OLFM3: variants seen among roughly 807,000 people sequenced by gnomAD.
The protein encoded by OLFM3 is olfactomedin 3, also known as noelin-3.
In OLFM3, 20 loss-of-function variants were observed where a neutral mutation model predicts 48.6. That is an observed-to-expected ratio of 0.41 (90% CI 0.29 to 0.60). The LOEUF (loss-of-function observed/expected upper bound fraction) is 0.60. Ranked by LOEUF, OLFM3 falls within the 20% of genes least tolerant of loss-of-function variation. The pLI, the probability that OLFM3 is intolerant of heterozygous loss-of-function variation, is 0.28. For synonymous variants in OLFM3, 222 were observed against 198.1 expected (o/e 1.12, Z -1.01); for missense variants, 437 against 544.3 (o/e 0.80, Z 1.96).
chr1:101,860,161 T>C (rs563447975), intron 1 of OLFM3, among the ~76,000 whole-genome samples: 8 of 152,168 alleles, frequency 5.3e-5, no homozygotes, highest in African/African-American at 1.9e-4. Context: ...GCACACATGC[T>C]TCTTATCAAG....
intron 1 of OLFM3, among the ~76,000 whole-genome samples, chr1:101,927,913 C>T (rs1166410023): frequency 6.6e-6 from 1 of 151,662 alleles, no homozygotes; most frequent in Non-Finnish European, 1.5e-5. Flanking sequence ...TTGATAAAAA[C>T]ATAAATATCT....
intron 1 of OLFM3, among the ~76,000 whole-genome samples, chr1:101,984,101 G>A (rs376458767): frequency 3.9e-5 from 6 of 151,978 alleles, no homozygotes; most frequent in African/African-American, 4.8e-5. Flanking sequence ...TTAGCTGAGC[G>A]TGGTGCCACA....
chr1:101,844,843 A>G (rs1655909016), intron 1 of OLFM3, among the ~76,000 whole-genome samples: 1 of 152,218 alleles, frequency 6.6e-6, no homozygotes, highest in Admixed American at 6.5e-5. Context: ...TGCTAAAAAT[A>G]GTATGAACAT....
chr1:101,948,630 G>T (rs1027936727), intron 1 of OLFM3, among the ~76,000 whole-genome samples: 9 of 151,724 alleles, frequency 5.9e-5, no homozygotes, highest in Non-Finnish European at 1.3e-4. Flanking sequence ...CTAAATTTTT[G>T]TCTAAATAAG....
At chr1:101,822,297 G>A (rs1261719676) in intron 4 of OLFM3, among the ~76,000 whole-genome samples, 1 of 152,078 alleles carries the variant, frequency 6.6e-6, no homozygotes, top group African/African-American at 2.4e-5. Flanking sequence ...CCCAGAAGTT[G>A]TTTTTTGTGT....
At chr1:101,877,377 A>G (rs1416472090) in intron 1 of OLFM3, among the ~76,000 whole-genome samples, 1 of 151,960 alleles carries the variant, frequency 6.6e-6, no homozygotes, top group Non-Finnish European at 1.5e-5. Flanking sequence ...CTATTTTAAA[A>G]GCTGGAGATC....
At chr1:101,807,016 T>C (rs1157291410) in intron 4 of OLFM3, among the ~76,000 whole-genome samples, 1 of 151,850 alleles carries the variant, frequency 6.6e-6, no homozygotes, top group East Asian at 1.9e-4. Flanking sequence ...TAAAAAAAGA[T>C]TACTATAAAG....
chr1:101,875,075 T>C (rs1033318970), intron 1 of OLFM3, among the ~76,000 whole-genome samples: 2 of 151,946 alleles, frequency 1.3e-5, no homozygotes, highest in Non-Finnish European at 2.9e-5. Context: ...TGAAAGATAT[T>C]AGTTTATGAA....
At chr1:101,991,892 T>C (rs930046465) in intron 1 of OLFM3, among the ~76,000 whole-genome samples, 6 of 151,880 alleles carry the variant, frequency 4.0e-5, no homozygotes, top group Non-Finnish European at 8.8e-5. Context: ...TGCATGATAC[T>C]ATCCAAGGAA....
intron 1 of OLFM3, among the ~76,000 whole-genome samples, chr1:101,956,010 T>C (rs1660277062): frequency 6.6e-6 from 1 of 151,686 alleles, no homozygotes; most frequent in South Asian, 2.1e-4. Context: ...TATACATTAC[T>C]GGTCACCAAA....
chr1:101,956,596 T>G (rs1660305149), intron 1 of OLFM3, among the ~76,000 whole-genome samples: 1 of 151,944 alleles, frequency 6.6e-6, no homozygotes, highest in African/African-American at 2.4e-5. Flanking sequence ...CCTTCAACAT[T>G]AAATATAAAT....
Position 101,830,798 on chromosome 1 carries a change from G to A in OLFM3, c.246C>T (p.Val82=). 1 of 1,613,850 alleles carries A rather than the reference G, an allele frequency of 6.2e-7. No homozygotes were observed. ...AATCTCTCTGAGTTCTCAAGTTTAA[G>A]ACTTCAATAGACTGGGACATGTTCT... ...KVQNMSQSIE[V]LNLRTQRDFQ... Residue 82 remains valine, a synonymous_variant, in exon 3 of 6, where the codon GTC becomes GTT. Transcript: ENST00000370103.
chr1:101,917,431 T>TA (rs201153368), intron 1 of OLFM3, among the ~76,000 whole-genome samples: 1 of 151,832 alleles, frequency 6.6e-6, no homozygotes, highest in Admixed American at 6.6e-5. Context: ...TATATATATA[T>TA]TTTGAGACTG....
At chr1:101,978,803 A>G (rs892749945) in intron 1 of OLFM3, among the ~76,000 whole-genome samples, 3 of 152,170 alleles carry the variant, frequency 2.0e-5, no homozygotes, top group Non-Finnish European at 2.9e-5. Context: ...AGCAAGGGAA[A>G]TGGGAAGAAT....
At chr1:101,945,681 C>T (rs1336787) in intron 1 of OLFM3, among the ~76,000 whole-genome samples, 60,757 of 151,604 alleles carry the variant, frequency 0.4, 12,430 homozygotes, top group East Asian at 0.51. Flanking sequence ...GGCACAGTGG[C>T]TCACGCCTAT....
intron 1 of OLFM3, among the ~76,000 whole-genome samples, chr1:101,989,335 A>T (rs1570694577): frequency 6.6e-6 from 1 of 152,196 alleles, no homozygotes; most frequent in Non-Finnish European, 1.5e-5. Flanking sequence ...TGTTCTTGGA[A>T]AAATCAATTT....
At chr1:101,952,032 A>C (rs1257033865) in intron 1 of OLFM3, among the ~76,000 whole-genome samples, 1 of 108,162 alleles carries the variant, frequency 9.2e-6, no homozygotes, top group East Asian at 3.0e-4. Context: ...GCTAGTTAAA[A>C]GTTACCTATC....
In OLFM3 at chr1:101,823,245, A is replaced by C. The variant is rs1654694009; in HGVS notation, c.592+1781T>G. 2.0e-5 allele frequency among the ~76,000 whole-genome samples: 3 copies of C among 152,068 alleles called. No homozygotes were observed. The South Asian group carries it at 6.2e-4, about 32-fold the overall frequency. On this transcript the variant is annotated intron_variant, in intron 4 of 5. Transcript: ENST00000370103. ...GCTACACATGCAATGATAATGAAAC[A>C]AGAGAAGTCCAATCATTAGTGAAAT...
intron 1 of OLFM3, among the ~76,000 whole-genome samples, chr1:101,925,907 C>T (rs553220991): frequency 1.3e-5 from 2 of 152,190 alleles, no homozygotes; most frequent in East Asian, 3.9e-4. Context: ...TGCTCATTAC[C>T]TAGCACTTGG....
Sources: gnomAD v4.1 joint callset for allele counts (sites outside exome capture counted in the v4.1 genomes callset) on GRCh38, gnomAD v4.1.1 for gene constraint, MANE v1.5 for transcripts, NCBI Gene and HGNC (gene_info 2026-07-23, HGNC 2026-07-21) for gene names.